Variants in BTBD3 observed in about 807,000 individuals in gnomAD.
The protein encoded by BTBD3 is BTB domain containing 3.
In BTBD3, 14 loss-of-function variants were observed where a neutral mutation model predicts 41.6. That is an observed-to-expected ratio of 0.34 (90% confidence interval 0.22 to 0.53). The LOEUF is 0.53. Among genes scored for constraint, BTBD3 ranks in the 20% least tolerant of loss-of-function variants. The pLI is 0.95. For synonymous variants in BTBD3, 249 were observed against 233.7 expected (o/e 1.07, Z -0.60); for missense variants, 426 against 654.7 (o/e 0.65, Z 3.81).
At position 11,922,907 on chromosome 20, in the gene BTBD3, A is replaced by T; in HGVS notation, c.810A>T (p.Glu270Asp). Residue 270 changes from glutamate (E) to aspartate (D), a missense_variant, in exon 4 of 4, where the codon GAA (glutamate) becomes GAT (aspartate). Around this residue, in one of 3 missense-constraint regions of BTBD3, gnomAD observed 321 missense variants for 534.8 expected, o/e 0.60. Transcript: ENST00000378226. The stretch of plus-strand genomic sequence containing the variant: ...GCGATATTGACTTCCAGACACTAGA[A>T]AGTATTCTCCGTAGGGAAACTCTGA... Reference protein sequence around the residue: ...GFCDIDFQTLESILRRETLNA... With the variant: ...GFCDIDFQTLDSILRRETLNA... 6.2e-7 allele frequency: 1 copy of T among 1,614,252 alleles called. No individual in the cohort carries two copies. Among genetic ancestry groups the T allele is most frequent in the Non-Finnish European group, 8.5e-7 (1 of 1,180,050 alleles).
At chr20:11,909,690 A>G (rs548481145) in intron 1 of BTBD3, 1 of 152,172 alleles carries the variant, frequency 6.6e-6, no homozygotes, top group Non-Finnish European at 1.5e-5. Flanking sequence ...AATAGTAATT[A>G]ATTGAGACCT....
chr20:11,890,972 G>A, intron 1 of BTBD3: 1 of 982,600 alleles, frequency 1.0e-6, no homozygotes, highest in African/African-American at 1.8e-5. Context: ...AGGGCGCCGC[G>A]GGCGAGCGGG....
chr20:11,892,932 C>A (rs963776376), intron 1 of BTBD3, among the ~76,000 whole-genome samples: 3 of 152,164 alleles, frequency 2.0e-5, no homozygotes, highest in African/African-American at 7.2e-5. Context: ...ACTCTGCCAA[C>A]ATTCTTTACA....
intron 1 of BTBD3, among the ~76,000 whole-genome samples, chr20:11,905,554 C>T (rs1681227441): frequency 6.6e-6 from 1 of 152,176 alleles, no homozygotes; most frequent in African/African-American, 2.4e-5. Context: ...TTGCACTTAG[C>T]CAGGCCGTTT....
At chr20:11,910,250 C>G (rs2056881308) in intron 1 of BTBD3, 2 of 152,164 alleles carry the variant, frequency 1.3e-5, no homozygotes, top group South Asian at 4.2e-4. Context: ...AAAACTAATA[C>G]TAGCCAAAGT....
chr20:11,924,036 A>C lies in BTBD3; in HGVS notation c.*370A>C. 5.3e-6 allele frequency: 1 copy of C among 188,650 alleles called. No individual in the cohort carries two copies. The highest frequency in any genetic ancestry group is 5.4e-5 in the Admixed American group (1 of 18,534). 11.7% of individuals were successfully genotyped at this position (188,650 alleles called of 1,614,324 possible). A position where few individuals can be genotyped will look rare whatever the true frequency, so the allele number is the denominator to read the frequency against. ...GACGTTATTTGATGAACAGAAATAA[A>C]GTGATAACAAGAGTTATTTTTAAAC... On this transcript the variant is annotated 3_prime_UTR_variant, in exon 4 of 4. Coordinates refer to ENST00000378226, the MANE Select transcript of BTBD3 (RefSeq NM_014962.4).
In BTBD3 at chr20:11,923,852, A is replaced by C; in HGVS notation, c.*186A>C. The C allele has an allele frequency of 1.7e-6, 1 of 600,582 alleles. No individual in the cohort carries two copies. The highest frequency in any genetic ancestry group is 2.8e-5 in the East Asian group (1 of 35,174). 37.2% of individuals were successfully genotyped at this position (600,582 alleles called of 1,614,324 possible). A position where few individuals can be genotyped will look rare whatever the true frequency, so the allele number is the denominator to read the frequency against. On this transcript the variant is annotated 3_prime_UTR_variant, in exon 4 of 4. Coordinates refer to ENST00000378226, the MANE Select transcript of BTBD3 (RefSeq NM_014962.4). The surrounding 1 kb of genome is among the most constrained non-coding windows in gnomAD (Gnocchi z 5.3). ...GCAAAAATGCAGCATTCCGCTTTTA[A>C]CTATCTGCTTAAAAGAGCTAACGTT...
intron 1 of BTBD3, chr20:11,909,293 A>C (rs1266102579): frequency 6.8e-6 from 1 of 146,766 alleles, no homozygotes; most frequent in Admixed American, 6.8e-5. Flanking sequence ...AAAAAAAAGT[A>C]GCATAAAATG....
rs1192299619 is a variant in BTBD3, at chr20:11,918,143, T to A, written c.-133T>A. The stretch of plus-strand genomic sequence containing the variant: ...ATTCAACATAGTGAAAAGGTCACCT[T>A]GCCTGGCTGAGAAAAGCAGCAAAAT... On this transcript the variant is annotated 5_prime_UTR_variant, in exon 1 of 4. Transcript: ENST00000378226. 1 of 1,482,824 alleles carries A rather than the reference T, an allele frequency of 6.7e-7. No individual in the cohort carries two copies. The highest frequency in any genetic ancestry group is 8.9e-7 in the Non-Finnish European group (1 of 1,128,642). 91.9% of individuals were successfully genotyped at this position (1,482,824 alleles called of 1,614,324 possible). A position where few individuals can be genotyped will look rare whatever the true frequency, so the allele number is the denominator to read the frequency against.
At position 11,918,263 on chromosome 20, in the gene BTBD3, A is replaced by T. The variant is rs1326947893; in HGVS notation, c.-13A>T. Reference sequence around the variant, plus strand: ...TTGGGATATCTAACTCTAAAGAGAGACACACTGTACTCATGGTAGATGACA... The same window carrying T: ...TTGGGATATCTAACTCTAAAGAGAGTCACACTGTACTCATGGTAGATGACA... On this transcript the variant is annotated 5_prime_UTR_variant, in exon 1 of 4. Coordinates refer to ENST00000378226, the MANE Select transcript of BTBD3 (RefSeq NM_014962.4). 1.9e-6 allele frequency: 3 copies of T among 1,545,068 alleles called. No individual in the cohort carries two copies. The highest frequency in any genetic ancestry group is 2.6e-6 in the Non-Finnish European group (3 of 1,154,092).
chr20:11,892,333 C>T (rs932312859), intron 1 of BTBD3, among the ~76,000 whole-genome samples: 9 of 152,188 alleles, frequency 5.9e-5, no homozygotes, highest in African/African-American at 2.2e-4. Flanking sequence ...CCCTACTCAA[C>T]CCTCTGCCAG....
At chr20:11,911,614 C>T (rs965569899) in intron 1 of BTBD3, among the ~76,000 whole-genome samples, 16 of 152,246 alleles carry the variant, frequency 1.1e-4, no homozygotes, top group Admixed American at 2.0e-4. Context: ...AGAAAGGTGG[C>T]GAATTTGTTT....
rs1260911722 is a variant in BTBD3, at chr20:11,923,753, T to A, written c.*87T>A. 3 of 1,267,676 alleles carry A rather than the reference T, an allele frequency of 2.4e-6. No individual in the cohort carries two copies. Among genetic ancestry groups the A allele is most frequent in the African/African-American group, 3.0e-5 (2 of 66,716 alleles). 78.5% of individuals were successfully genotyped at this position (1,267,676 alleles called of 1,614,324 possible). On this transcript the variant is annotated 3_prime_UTR_variant, in exon 4 of 4. Coordinates refer to ENST00000378226, the MANE Select transcript of BTBD3 (RefSeq NM_014962.4). This position sits in a 1 kb window ranked among gnomAD's most constrained non-coding sequence, Gnocchi z 5.3. Reference sequence around the variant, plus strand: ...GCTTAGCTCATCTGCAAATATGTGATCAGTGCCGGTAATTTGTAATGAATG... The same window carrying A: ...GCTTAGCTCATCTGCAAATATGTGAACAGTGCCGGTAATTTGTAATGAATG...
intron 3 of BTBD3, among the ~76,000 whole-genome samples, chr20:11,922,230 A>G (rs1342785496): frequency 1.3e-5 from 2 of 152,214 alleles, no homozygotes; most frequent in Non-Finnish European, 2.9e-5. Context: ...TGAAGATGCA[A>G]TAATTGCTCT....
chr20:11,895,089 T>G (rs2056778583), intron 1 of BTBD3, among the ~76,000 whole-genome samples: 1 of 152,168 alleles, frequency 6.6e-6, no homozygotes, highest in African/African-American at 2.4e-5. Context: ...CTACCACCAT[T>G]TGTTAAATAG....
chr20:11,922,714 C>T lies in BTBD3; in HGVS notation c.617C>T (p.Pro206Leu). 6.2e-7 allele frequency: 1 copy of T among 1,614,222 alleles called. No homozygotes were observed. The highest frequency in any genetic ancestry group is 8.5e-7 in the Non-Finnish European group (1 of 1,180,038). ...TATGCTGCCAAAAAGTACATTGTCC[C>T]TCACCTTGCCAGAGCCTGTGTTAAT... ...TLYAAKKYIV[P>L]HLARACVNFL... The change falls in exon 4 of 4, where the codon CCT (proline) becomes CTT (leucine). Residue 206 changes from proline (P) to leucine (L), a missense_variant. Pro to Leu is a moderately conservative substitution (Grantham distance 98, BLOSUM62 -3). This residue lies in a region of BTBD3 where 321 missense variants were observed against 534.8 expected (regional missense o/e 0.60). Transcript: ENST00000378226.
At chr20:11,897,291 T>C (rs2056792653) in intron 1 of BTBD3, among the ~76,000 whole-genome samples, 1 of 152,098 alleles carries the variant, frequency 6.6e-6, no homozygotes, top group African/African-American at 2.4e-5. Flanking sequence ...TTAACGTGAA[T>C]ATGTGAAAGA....
At chr20:11,909,809 T>C (rs1455618641) in intron 1 of BTBD3, 1 of 152,228 alleles carries the variant, frequency 6.6e-6, no homozygotes. Context: ...TAAAAAGCTT[T>C]TTCTGGCCTT....
upstream of BTBD3, among the ~76,000 whole-genome samples, chr20:11,915,122 C>A (rs1231784509): frequency 6.6e-6 from 1 of 152,120 alleles, no homozygotes; most frequent in Non-Finnish European, 1.5e-5. Flanking sequence ...TGAAGTAGAC[C>A]ATTTAAAAGT....
Sources: allele counts gnomAD v4.1 joint callset (sites outside exome capture counted in the v4.1 genomes callset), GRCh38; gene constraint gnomAD v4.1.1; regional missense constraint gnomAD v4.1.1; non-coding constraint Gnocchi (gnomAD v3.1); transcripts MANE v1.5; gene names NCBI Gene and HGNC (gene_info 2026-07-23, HGNC 2026-07-21).